BORCS5: variants seen among roughly 807,000 people sequenced by gnomAD.
The protein encoded by BORCS5 is BLOC-1 related complex subunit 5.
In BORCS5, 17 loss-of-function variants were observed where a neutral mutation model predicts 22.1. The observed-to-expected ratio is 0.77, with a 90% confidence interval of 0.53 to 1.15. The LOEUF (loss-of-function observed/expected upper bound fraction) is 1.15, where lower values mean the gene tolerates loss of function less well. BORCS5 is among the 50% of genes most tolerant of loss of function. The probability of loss-of-function intolerance (pLI) is 0.00; values close to 1 mark genes in which losing one functional copy is unlikely to be tolerated. For synonymous variants in BORCS5, 117 were observed against 99.8 expected (o/e 1.17, Z -1.03); for missense variants, 247 against 253.2 (o/e 0.98, Z 0.17).
intron 2 of BORCS5, among the ~76,000 whole-genome samples, chr12:12,429,373 G>A (rs937712890): frequency 6.6e-6 from 1 of 152,126 alleles, no homozygotes; most frequent in Non-Finnish European, 1.5e-5. Flanking sequence ...CCACAACTTT[G>A]TTGCTTCAGG....
intron 2 of BORCS5, among the ~76,000 whole-genome samples, chr12:12,408,690 T>A (rs1291484804): frequency 6.6e-6 from 1 of 152,230 alleles, no homozygotes; most frequent in Non-Finnish European, 1.5e-5. Flanking sequence ...TAGTGTAATG[T>A]CCTCAAGATT....
intron 2 of BORCS5, among the ~76,000 whole-genome samples, chr12:12,374,275 G>A (rs1019540072): frequency 6.6e-6 from 1 of 151,918 alleles, no homozygotes; most frequent in African/African-American, 2.4e-5. Context: ...GCAGGTGTGA[G>A]CCACCGCACC....
chr12:12,372,108 C>T (rs1367557187), intron 2 of BORCS5, among the ~76,000 whole-genome samples: 2 of 151,242 alleles, frequency 1.3e-5, no homozygotes, highest in East Asian at 2.0e-4. Flanking sequence ...GGCACGATGT[C>T]AGCTCACTGC....
At chr12:12,373,801 A>G (rs949804931) in intron 2 of BORCS5, among the ~76,000 whole-genome samples, 13 of 152,132 alleles carry the variant, frequency 8.5e-5, no homozygotes, top group South Asian at 2.1e-4. Context: ...AGTATTCACA[A>G]TAATATCATA....
At chr12:12,416,633 TA>T (rs1941964315) in intron 2 of BORCS5, among the ~76,000 whole-genome samples, 1 of 151,840 alleles carries the variant, frequency 6.6e-6, no homozygotes, top group Non-Finnish European at 1.5e-5. Context: ...TTTATTTACT[TA>T]TTTTTTTAAA....
chr12:12,422,018 A>ATT (rs77310222), intron 2 of BORCS5, among the ~76,000 whole-genome samples: 1 of 151,684 alleles, frequency 6.6e-6, no homozygotes, highest in Non-Finnish European at 1.5e-5. Context: ...GGACTCATTG[A>ATT]TTTTTTTTAA....
intron 2 of BORCS5, among the ~76,000 whole-genome samples, chr12:12,415,518 T>C: frequency 1.0e-5 from 1 of 96,628 alleles, no homozygotes; most frequent in Middle Eastern, 5.2e-3. Flanking sequence ...CAGCTTTGGC[T>C]CGGCATCAGA....
intron 2 of BORCS5, among the ~76,000 whole-genome samples, chr12:12,378,952 C>A (rs893321653): frequency 1.3e-5 from 2 of 150,478 alleles, no homozygotes; most frequent in Admixed American, 6.6e-5. Context: ...AATAGGGTTC[C>A]GTATGTTGCC....
chr12:12,411,391 T>C (rs1031594455), intron 2 of BORCS5, among the ~76,000 whole-genome samples: 1 of 152,214 alleles, frequency 6.6e-6, no homozygotes, highest in African/African-American at 2.4e-5. Context: ...ATCTCTTATT[T>C]GGAGAAATGT....
At chr12:12,437,976 G>A (rs1415043727) in intron 3 of BORCS5, among the ~76,000 whole-genome samples, 19 of 151,914 alleles carry the variant, frequency 1.3e-4, no homozygotes, top group African/African-American at 3.6e-4. Context: ...CGATCCTCCC[G>A]CCTCTGCCTC....
intron 2 of BORCS5, among the ~76,000 whole-genome samples, chr12:12,417,311 G>A (rs1565890338): frequency 6.6e-6 from 1 of 152,042 alleles, no homozygotes; most frequent in Non-Finnish European, 1.5e-5. Context: ...TCATTCTATT[G>A]TGGTGGAAGA....
intron 3 of BORCS5, among the ~76,000 whole-genome samples, chr12:12,458,736 G>C (rs887457733): frequency 6.6e-6 from 1 of 151,668 alleles, no homozygotes; most frequent in Non-Finnish European, 1.5e-5. Flanking sequence ...ACTTTGGGAG[G>C]CCGAGGCAGG....
intron 2 of BORCS5, among the ~76,000 whole-genome samples, chr12:12,426,710 G>A (rs1942296394): frequency 6.6e-6 from 1 of 152,210 alleles, no homozygotes; most frequent in Admixed American, 6.5e-5. Context: ...CCCTAGAAGG[G>A]ACATGATTAT....
intron 2 of BORCS5, among the ~76,000 whole-genome samples, chr12:12,401,290 CTGT>C (rs894074601): frequency 6.6e-6 from 1 of 152,084 alleles, no homozygotes; most frequent in African/African-American, 2.4e-5. Flanking sequence ...ATTAGAGTTC[CTGT>C]TGTTCCACAT....
intron 2 of BORCS5, among the ~76,000 whole-genome samples, chr12:12,417,024 C>G (rs1269652213): frequency 1.3e-5 from 2 of 151,642 alleles, no homozygotes; most frequent in Non-Finnish European, 3.0e-5. Flanking sequence ...CACTTGACCT[C>G]AAGTGATCCA....
At chr12:12,365,343 A>T (rs961240502) in intron 2 of BORCS5, among the ~76,000 whole-genome samples, 19 of 150,344 alleles carry the variant, frequency 1.3e-4, no homozygotes, top group Non-Finnish European at 2.7e-4. Context: ...TAATTAAAAT[A>T]CATTTTTTTT....
At chr12:12,388,067 A>G (rs1317321342) in intron 2 of BORCS5, among the ~76,000 whole-genome samples, 1 of 151,412 alleles carries the variant, frequency 6.6e-6, no homozygotes, top group Middle Eastern at 3.2e-3. Flanking sequence ...GCTATCTCAT[A>G]TGCGATTAGT....
intron 2 of BORCS5, among the ~76,000 whole-genome samples, chr12:12,411,543 T>C (rs1415042679): frequency 6.6e-6 from 1 of 152,180 alleles, no homozygotes; most frequent in Non-Finnish European, 1.5e-5. Flanking sequence ...TGAAAGTATT[T>C]TCTGCATTTT....
intron 1 of BORCS5, among the ~76,000 whole-genome samples, chr12:12,360,516 T>G (rs185609038): frequency 6.6e-6 from 1 of 151,416 alleles, no homozygotes; most frequent in Admixed American, 6.6e-5. Context: ...CTCAGCTTCC[T>G]GAGTAGCTGG....
Sources: allele counts gnomAD v4.1 joint callset (sites outside exome capture counted in the v4.1 genomes callset), GRCh38; gene constraint gnomAD v4.1.1; transcripts MANE v1.5; gene names NCBI Gene and HGNC (gene_info 2026-07-23, HGNC 2026-07-21).